FHOD3: variants seen among roughly 807,000 people sequenced by gnomAD.
FHOD3 encodes the protein FH1/FH2 domain-containing protein 3.
In FHOD3, 90 loss-of-function variants were observed where a neutral mutation model predicts 173.0. The observed-to-expected ratio is 0.52, with a 90% CI of 0.44 to 0.62. The LOEUF is 0.62. Among genes scored for constraint, FHOD3 ranks in the 20% least tolerant of loss-of-function variants. The pLI is 0.00. For missense variants in FHOD3, 1,945 were observed against 2,034.7 expected, an observed-to-expected ratio of 0.96 and a Z score of 0.85; for synonymous variants, 828 against 823.0, an observed-to-expected ratio of 1.01 and a Z score of -0.10.
intron 1 of FHOD3, among the ~76,000 whole-genome samples, chr18:36,298,508 G>A (rs1390636766): frequency 6.6e-6 from 1 of 152,162 alleles, no homozygotes; most frequent in African/African-American, 2.4e-5. Context: ...GACAAAGCAC[G>A]CTTCCCGGCG....
At chr18:36,746,650 G>A (rs904386540) in intron 23 of FHOD3, among the ~76,000 whole-genome samples, 5 of 152,008 alleles carry the variant, frequency 3.3e-5, no homozygotes, top group African/African-American at 1.2e-4. Context: ...CTTGTACTAG[G>A]GTTCCTTGAT....
chr18:36,679,629 GT>G (rs564837338), intron 14 of FHOD3, among the ~76,000 whole-genome samples: 5 of 149,402 alleles, frequency 3.3e-5, no homozygotes, highest in African/African-American at 7.4e-5. Context: ...AATTGTCCAT[GT>G]TTTTTTTTCT....
chr18:36,562,079 C>T (rs2058106564), intron 5 of FHOD3, among the ~76,000 whole-genome samples: 1 of 151,856 alleles, frequency 6.6e-6, no homozygotes. Flanking sequence ...TGCAATGGCG[C>T]AATGTTGGCT....
intron 3 of FHOD3, among the ~76,000 whole-genome samples, chr18:36,470,130 C>G (rs999014690): frequency 2.6e-5 from 4 of 152,128 alleles, no homozygotes; most frequent in Admixed American, 6.5e-5. Context: ...GCTGCCTTGT[C>G]CTCTGGAGCA....
At chr18:36,575,451 A>AT (rs2058614098) in intron 5 of FHOD3, among the ~76,000 whole-genome samples, 2 of 152,266 alleles carry the variant, frequency 1.3e-5, no homozygotes, top group Admixed American at 1.3e-4. Context: ...TTTGTAATGC[A>AT]TAAAAAAAGA....
At chr18:36,602,044 A>T (rs2031461442) in intron 7 of FHOD3, among the ~76,000 whole-genome samples, 1 of 152,192 alleles carries the variant, frequency 6.6e-6, no homozygotes, top group South Asian at 2.1e-4. Context: ...GCATGCTTGG[A>T]CACTTCTCAG....
At chr18:36,713,455 G>A (rs530175641) in intron 18 of FHOD3, among the ~76,000 whole-genome samples, 2 of 152,188 alleles carry the variant, frequency 1.3e-5, no homozygotes, top group South Asian at 4.2e-4. Flanking sequence ...ACAAAAACCA[G>A]AAGAAACAAT....
intron 3 of FHOD3, among the ~76,000 whole-genome samples, chr18:36,435,625 T>C (rs956015506): frequency 6.6e-6 from 1 of 152,182 alleles, no homozygotes; most frequent in Non-Finnish European, 1.5e-5. Context: ...TCCAATGATA[T>C]ATTCAGAAAC....
intron 18 of FHOD3, among the ~76,000 whole-genome samples, chr18:36,716,221 C>T (rs572680910): frequency 1.3e-5 from 2 of 152,316 alleles, no homozygotes; most frequent in South Asian, 2.1e-4. Flanking sequence ...CCAGTGGGGA[C>T]GCCCCTGCAG....
intron 24 of FHOD3, among the ~76,000 whole-genome samples, chr18:36,752,384 C>T (rs1195507749): frequency 6.6e-6 from 1 of 152,206 alleles, no homozygotes; most frequent in African/African-American, 2.4e-5. Context: ...AAGTCCACCC[C>T]TCCCATTCTG....
At chr18:36,352,084 T>C (rs1446691693) in intron 1 of FHOD3, among the ~76,000 whole-genome samples, 2 of 152,070 alleles carry the variant, frequency 1.3e-5, no homozygotes, top group Admixed American at 6.6e-5. Context: ...TTCTCAGGAA[T>C]TTCGTGAGCC....
intron 20 of FHOD3, among the ~76,000 whole-genome samples, chr18:36,732,734 C>G (rs1413754497): frequency 6.6e-6 from 1 of 152,146 alleles, no homozygotes; most frequent in African/African-American, 2.4e-5. Context: ...CAGGAAGGGG[C>G]AGGCCAGGCC....
At chr18:36,554,325 C>T (rs546029362) in intron 5 of FHOD3, among the ~76,000 whole-genome samples, 14 of 152,266 alleles carry the variant, frequency 9.2e-5, no homozygotes, top group African/African-American at 1.7e-4. Flanking sequence ...GATAAGTTCA[C>T]GTCCTTTGTA....
chr18:36,749,810 G>C (rs56233823), intron 24 of FHOD3, among the ~76,000 whole-genome samples: 10,459 of 152,200 alleles, frequency 0.069, 1,246 homozygotes, highest in African/African-American at 0.24. Context: ...CCGAGTATAA[G>C]TGTTCCTTTT....
intron 27 of FHOD3, among the ~76,000 whole-genome samples, chr18:36,762,930 T>C (rs2042946952): frequency 6.8e-6 from 1 of 147,298 alleles, no homozygotes. Flanking sequence ...GTGTATTATA[T>C]ACATTATATA....
rs533572045 is a variant in FHOD3, at chr18:36,693,264, C to T, written c.2077C>T (p.Arg693Trp). Residue 693 changes from arginine to tryptophan, a missense_variant, in exon 17 of 29, where the codon CGG (arginine) becomes TGG (tryptophan). Arg to Trp is a moderately radical substitution (Grantham distance 101, BLOSUM62 -3). Transcript: ENST00000590592. The part of the protein sequence containing the change: ...AEEHEKELRS[R>W]SVSRGRADLS... ...GGAGCACGAGAAGGAGCTGAGAAGCCGGAGTGTGAGCCGGGGCAGAGCCGA... is the reference window on the plus strand; with the variant it reads ...GGAGCACGAGAAGGAGCTGAGAAGCTGGAGTGTGAGCCGGGGCAGAGCCGA... 4.3e-5 allele frequency: 69 copies of T among 1,613,812 alleles called. No homozygotes were observed. In the South Asian group the frequency reaches 6.8e-4, roughly 16 times the overall value.
chr18:36,675,198 G>C (rs956353648), intron 14 of FHOD3, among the ~76,000 whole-genome samples: 5 of 152,082 alleles, frequency 3.3e-5, no homozygotes, highest in Non-Finnish European at 1.5e-5. Context: ...CCAGAAATCA[G>C]GGTAAGCTGG....
intron 7 of FHOD3, among the ~76,000 whole-genome samples, chr18:36,598,928 C>T (rs1375488725): frequency 6.6e-6 from 1 of 152,198 alleles, no homozygotes; most frequent in Non-Finnish European, 1.5e-5. Context: ...AAGGTGGATT[C>T]AGGTTCATCT....
intron 3 of FHOD3, among the ~76,000 whole-genome samples, chr18:36,461,620 G>C (rs1456684803): frequency 6.6e-6 from 1 of 152,128 alleles, no homozygotes; most frequent in Non-Finnish European, 1.5e-5. Context: ...GCTTCTCATA[G>C]CTTCTAAATT....
Sources: allele counts gnomAD v4.1 joint callset (sites outside exome capture counted in the v4.1 genomes callset), GRCh38; gene constraint gnomAD v4.1.1; transcripts MANE v1.5; gene names NCBI Gene and HGNC (gene_info 2026-07-23, HGNC 2026-07-21).